The following KAT6A variants were observed in gnomAD, a reference collection of about 807,000 sequenced individuals.
KAT6A encodes histone acetyltransferase KAT6A.
Under a neutral mutation model 198.4 loss-of-function variants are expected in KAT6A, and 9 were observed. The ratio of observed to expected loss-of-function variants is 0.05; its 90% CI spans 0.03 to 0.08. The LOEUF is 0.08. Among genes scored for constraint, KAT6A ranks in the 10% least tolerant of loss-of-function variants. The pLI is 1.00. For synonymous variants in KAT6A, 890 were observed against 883.0 expected (o/e 1.01, Z -0.14); for missense variants, 2,077 against 2,509.9 (o/e 0.83, Z 3.69).
rs183483216 is a variant in KAT6A at position 41,962,480 on chromosome 8, T to C, written c.1483-7069A>G. Reference sequence around the variant, plus strand: ...TTCACAATGCATCAACATATCCCAATGGGTCTACCTTCAAAACATACTCAG... The same window carrying C: ...TTCACAATGCATCAACATATCCCAACGGGTCTACCTTCAAAACATACTCAG... On this transcript the variant is annotated intron_variant, in intron 8 of 16. Coordinates refer to ENST00000265713, the MANE Select transcript of KAT6A (RefSeq NM_006766.5). Among the ~76,000 whole-genome samples, 193 of 152,238 alleles carry C rather than the reference T, an allele frequency of 1.3e-3. 2 individuals are homozygous for C. The highest frequency in any genetic ancestry group is 2.9e-3 in the South Asian group (14 of 4,824).
intron 8 of KAT6A, among the ~76,000 whole-genome samples, chr8:41,964,627 GAAAAA>G (rs61710510): frequency 8.1e-4 from 106 of 130,920 alleles, no homozygotes; most frequent in African/African-American, 2.7e-3. Flanking sequence ...TCCAAAATCT[GAAAAA>G]AAAAAAAAAA....
intron 2 of KAT6A, among the ~76,000 whole-genome samples, chr8:42,047,344 T>A (rs892885317): frequency 1.3e-5 from 2 of 152,212 alleles, no homozygotes; most frequent in Non-Finnish European, 2.9e-5. Context: ...TTCAACTATA[T>A]ACAATAACAT....
chr8:41,940,979 T>C lies in KAT6A; in HGVS notation c.2902A>G (p.Arg968Gly). The change falls in exon 15 of 17, where the codon AGG becomes GGG. Residue 968 changes from arginine (R) to glycine (G), a missense_variant. By Grantham distance (125) the Arg-to-Gly change is moderately radical. This residue lies in a region of KAT6A where 301 missense variants were observed against 272.2 expected (regional missense o/e 1.11). Transcript: ENST00000265713. ...LKCRLTEGSE[R>G]LPRRYSEGDR... ...CCCTCACTGTAGCGACGGGGCAGCCTCTCACTTCCTTCTGTTAATCTGCAC... is the reference window on the plus strand; with the variant it reads ...CCCTCACTGTAGCGACGGGGCAGCCCCTCACTTCCTTCTGTTAATCTGCAC... 6.2e-7 allele frequency: 1 copy of C among 1,614,162 alleles called. No homozygotes were observed. The highest frequency in any genetic ancestry group is 1.1e-5 in the South Asian group (1 of 91,084).
At chr8:41,945,911 TC>T (rs1822359406) in intron 12 of KAT6A, among the ~76,000 whole-genome samples, 2 of 151,570 alleles carry the variant, frequency 1.3e-5, no homozygotes, top group African/African-American at 4.9e-5. Flanking sequence ...GTGCCTGTAG[TC>T]CCAGCTACTC....
intron 2 of KAT6A, among the ~76,000 whole-genome samples, chr8:42,031,266 A>T (rs1587847218): frequency 6.6e-6 from 1 of 152,322 alleles, no homozygotes; most frequent in Non-Finnish European, 1.5e-5. Flanking sequence ...AGTGTTTTTA[A>T]CTTTTAAAAA....
At chr8:42,043,705 T>C (rs910421540) in intron 2 of KAT6A, 3 of 152,194 alleles carry the variant, frequency 2.0e-5, no homozygotes, top group African/African-American at 7.2e-5. Flanking sequence ...ATTCTGTACT[T>C]GAGTGCAGTG....
At chr8:41,963,060 C>T (rs1823290026) in intron 8 of KAT6A, among the ~76,000 whole-genome samples, 1 of 152,198 alleles carries the variant, frequency 6.6e-6, no homozygotes, top group Non-Finnish European at 1.5e-5. Flanking sequence ...CATAACACTA[C>T]CACATGGCAT....
intron 13 of KAT6A, 97 bp downstream of exon 13, chr8:41,943,651 A>G (rs1383181791): frequency 2.2e-5 from 16 of 728,152 alleles, no homozygotes; most frequent in Non-Finnish European, 3.6e-5. Context: ...TATCATTTAT[A>G]TTAGTTAATG....
chr8:41,954,283 T>G (rs1005948493), intron 9 of KAT6A, among the ~76,000 whole-genome samples: 1 of 152,248 alleles, frequency 6.6e-6, no homozygotes, highest in African/African-American at 2.4e-5. Flanking sequence ...TCCTAGTTTC[T>G]TGGCAACAAC....
chr8:41,955,261 T>A, intron 9 of KAT6A, 35 bp downstream of exon 9: 1 of 1,295,280 alleles, frequency 7.7e-7, no homozygotes, highest in Non-Finnish European at 1.1e-6. Flanking sequence ...TCTATGGATC[T>A]CAAAACAGAA....
chr8:41,938,895 C>G (rs1821970399), intron 15 of KAT6A, among the ~76,000 whole-genome samples: 1 of 141,998 alleles, frequency 7.0e-6, no homozygotes, highest in Non-Finnish European at 1.5e-5. Flanking sequence ...TTGCAGTGAG[C>G]TGAGATCATG....
chr8:41,979,963 AGAGT>A (rs60337349), intron 5 of KAT6A, among the ~76,000 whole-genome samples: 15,891 of 152,208 alleles, frequency 0.1, 1,055 homozygotes, highest in East Asian at 0.24. Context: ...CCTGGGCGAC[AGAGT>A]GAGACTCCAT....
At chr8:41,940,156 T>C (rs943072940) in intron 15 of KAT6A, among the ~76,000 whole-genome samples, 8 of 152,262 alleles carry the variant, frequency 5.3e-5, no homozygotes, top group African/African-American at 1.7e-4. Flanking sequence ...GGCTGCCTCC[T>C]GGCAATGCTT....
chr8:42,000,608 A>G (rs1216056361), intron 2 of KAT6A, among the ~76,000 whole-genome samples: 2 of 152,222 alleles, frequency 1.3e-5, no homozygotes. Context: ...AAGATGTTCA[A>G]CAAGACTTTC....
chr8:41,943,465 A>G (rs1426964021), intron 13 of KAT6A, among the ~76,000 whole-genome samples: 1 of 152,164 alleles, frequency 6.6e-6, no homozygotes, highest in Admixed American at 6.5e-5. Flanking sequence ...TTGTATTGTG[A>G]AAGAGCTCCC....
chr8:41,974,830 T>A lies in KAT6A; in HGVS notation c.1364-8A>T. The A allele has an allele frequency of 1.3e-6, 2 of 1,569,064 alleles. No homozygotes were observed. Among genetic ancestry groups the A allele is most frequent in the Admixed American group, 1.8e-5 (1 of 57,024 alleles). ...CCCAGCCATCCTGATTGTCTACATATAAAAAAAGAGCTCACATGTTAACTG... is the reference window on the plus strand; with the variant it reads ...CCCAGCCATCCTGATTGTCTACATAAAAAAAAAGAGCTCACATGTTAACTG... On this transcript the variant is annotated splice_polypyrimidine_tract_variant and splice_region_variant and intron_variant, in intron 7 of 16. Transcript: ENST00000265713.
intron 5 of KAT6A, 44 bp downstream of exon 5, chr8:41,980,802 T>A (rs763769929): frequency 2.3e-6 from 3 of 1,304,540 alleles, no homozygotes; most frequent in Non-Finnish European, 3.3e-6. Flanking sequence ...TTCACTAACA[T>A]CCTCCTTTAT....
At chr8:41,944,704 G>A (rs1356846057) in intron 12 of KAT6A, among the ~76,000 whole-genome samples, 1 of 152,088 alleles carries the variant, frequency 6.6e-6, no homozygotes, top group Non-Finnish European at 1.5e-5. Context: ...GTTATTGCAC[G>A]GACTGTTTGT....
At chr8:41,944,823 A>G (rs1413629443) in intron 12 of KAT6A, among the ~76,000 whole-genome samples, 1 of 152,218 alleles carries the variant, frequency 6.6e-6, no homozygotes, top group Non-Finnish European at 1.5e-5. Context: ...TCAAAACAAT[A>G]TATTAACATT....
Sources: gnomAD v4.1 joint callset for allele counts (sites outside exome capture counted in the v4.1 genomes callset) on GRCh38, gnomAD v4.1.1 for gene constraint, gnomAD v4.1.1 regional missense constraint, MANE v1.5 for transcripts, NCBI Gene and HGNC (gene_info 2026-07-23, HGNC 2026-07-21) for gene names.